PDE1C: variants seen among roughly 807,000 people sequenced by gnomAD.
PDE1C encodes phosphodiesterase 1C.
In PDE1C, 62 loss-of-function variants were observed where a neutral mutation model predicts 93.1. The ratio of observed to expected loss-of-function variants is 0.67; its 90% CI spans 0.54 to 0.82. PDE1C has a LOEUF of 0.82. PDE1C is among the 40% of genes least tolerant of loss of function. The pLI is 0.00. For synonymous variants in PDE1C, 325 were observed against 310.1 expected (o/e 1.05, Z -0.50); for missense variants, 742 against 884.6 (o/e 0.84, Z 2.04).
chr7:31,686,297 C>G, the PDE1C span, among the ~76,000 whole-genome samples: 4 of 152,172 alleles, frequency 2.6e-5, no homozygotes, highest in Non-Finnish European at 4.4e-5. Flanking sequence ...CCCCAGTGGG[C>G]TCTCCTCCAG....
the PDE1C span, among the ~76,000 whole-genome samples, chr7:31,706,965 C>T: frequency 6.6e-5 from 10 of 152,162 alleles, no homozygotes; most frequent in Admixed American, 5.2e-4. Context: ...ATGAAGGTTG[C>T]CTCTGACTTC....
intron 2 of PDE1C, among the ~76,000 whole-genome samples, chr7:31,931,533 G>A (rs545739727): frequency 3.3e-5 from 5 of 152,232 alleles, no homozygotes; most frequent in African/African-American, 9.6e-5. Flanking sequence ...ACTTACAAAC[G>A]AAGTGAAGGA....
chr7:32,402,094 C>T (rs1032433440), intron 1 of PDE1C, among the ~76,000 whole-genome samples: 2 of 151,972 alleles, frequency 1.3e-5, no homozygotes, highest in African/African-American at 4.8e-5. Context: ...GAAACCAAAG[C>T]ACTAAAAAAA....
intron 14 of PDE1C, among the ~76,000 whole-genome samples, 199 bp from the exon 15 acceptor site, chr7:31,816,353 C>T (rs17160577): frequency 0.027 from 4,165 of 152,134 alleles, 69 homozygotes; most frequent in East Asian, 0.067. Context: ...ATTCTGAAAA[C>T]AGTTAGAGGA....
intron 3 of PDE1C, among the ~76,000 whole-genome samples, chr7:32,117,917 G>A: frequency 6.6e-6 from 1 of 152,224 alleles, no homozygotes; most frequent in East Asian, 1.9e-4. Context: ...ACTCTCAAGA[G>A]GGAGCCAGCT....
intron 2 of PDE1C, among the ~76,000 whole-genome samples, chr7:32,015,053 T>C (rs1787701185): frequency 1.3e-5 from 2 of 152,202 alleles, no homozygotes; most frequent in South Asian, 4.2e-4. Flanking sequence ...CTCTTCCCAC[T>C]TTGTTTGGCA....
intron 2 of PDE1C, chr7:32,209,342 A>T: frequency 1.5e-6 from 1 of 688,300 alleles, no homozygotes; most frequent in East Asian, 2.9e-5. Context: ...GCCTGGGCTC[A>T]AGTGGGATGT....
intron 9 of PDE1C, among the ~76,000 whole-genome samples, chr7:31,846,057 A>G (rs1487857391): frequency 2.0e-5 from 3 of 152,106 alleles, no homozygotes; most frequent in Non-Finnish European, 2.9e-5. Context: ...ATTCAGATAC[A>G]TCATGGTTTT....
At chr7:31,651,935 G>A in the PDE1C span, 6 of 1,580,832 alleles carry the variant, frequency 3.8e-6, no homozygotes, top group East Asian at 1.2e-4. Context: ...TTATTTACTT[G>A]CAGGGAGGAG....
chr7:31,852,127 C>T (rs1335640404), intron 7 of PDE1C, among the ~76,000 whole-genome samples: 1 of 152,184 alleles, frequency 6.6e-6, no homozygotes, highest in Non-Finnish European at 1.5e-5. Flanking sequence ...TAAGCCATAT[C>T]TTTCAATTAA....
At chr7:31,856,382 C>T (rs963859915) in intron 7 of PDE1C, among the ~76,000 whole-genome samples, 3 of 152,224 alleles carry the variant, frequency 2.0e-5, no homozygotes, top group East Asian at 1.9e-4. Context: ...GAATCGATCA[C>T]GGAAATTCAA....
the PDE1C span, among the ~76,000 whole-genome samples, chr7:31,662,930 G>T: frequency 6.6e-6 from 1 of 152,054 alleles, no homozygotes; most frequent in African/African-American, 2.4e-5. Flanking sequence ...TAATTTAAAA[G>T]TCTTCAAAGA....
At chr7:32,369,398 C>T (rs1358043601) in intron 1 of PDE1C, among the ~76,000 whole-genome samples, 2 of 152,130 alleles carry the variant, frequency 1.3e-5, no homozygotes, top group Non-Finnish European at 2.9e-5. Flanking sequence ...AAATTATCAA[C>T]ATCACTTAAC....
chr7:32,231,930 T>C (rs1807715980), intron 1 of PDE1C, among the ~76,000 whole-genome samples: 1 of 149,632 alleles, frequency 6.7e-6, no homozygotes, highest in Non-Finnish European at 1.5e-5. Flanking sequence ...CAAGAACCAA[T>C]CGTGATTAAA....
At chr7:32,277,228 G>A (rs901616971) in intron 1 of PDE1C, among the ~76,000 whole-genome samples, 1 of 152,184 alleles carries the variant, frequency 6.6e-6, no homozygotes, top group Non-Finnish European at 1.5e-5. Flanking sequence ...TAGCCTGGGT[G>A]ATGGAGCAAG....
At chr7:32,372,611 G>T (rs1419829506) in intron 1 of PDE1C, among the ~76,000 whole-genome samples, 1 of 151,928 alleles carries the variant, frequency 6.6e-6, no homozygotes, top group Non-Finnish European at 1.5e-5. Context: ...ACCCACAAAA[G>T]GAAAAAAATA....
chr7:32,053,024 G>A (rs1477665019), intron 1 of PDE1C, among the ~76,000 whole-genome samples: 2 of 152,138 alleles, frequency 1.3e-5, no homozygotes, highest in Non-Finnish European at 2.9e-5. Context: ...ATATTTCCAT[G>A]TTTATATTAT....
At chr7:32,007,114 T>C (rs1321973804) in intron 2 of PDE1C, among the ~76,000 whole-genome samples, 1 of 152,218 alleles carries the variant, frequency 6.6e-6, no homozygotes, top group African/African-American at 2.4e-5. Context: ...TGGAATTCCA[T>C]CAGCAACCTA....
chr7:31,745,563 G>C, the PDE1C span, among the ~76,000 whole-genome samples: 342 of 152,340 alleles, frequency 2.2e-3, no homozygotes, highest in African/African-American at 7.9e-3. Context: ...TTTACTTGGA[G>C]AGATCAGGGA....
Sources: allele counts gnomAD v4.1 joint callset (sites outside exome capture counted in the v4.1 genomes callset), GRCh38; gene constraint gnomAD v4.1.1; transcripts MANE v1.5; gene names NCBI Gene and HGNC (gene_info 2026-07-23, HGNC 2026-07-21).